The following CAMK2B variants were observed in gnomAD, a reference collection of about 807,000 sequenced individuals.
CAMK2B encodes the protein calcium/calmodulin dependent protein kinase II beta, also known as calcium/calmodulin-dependent protein kinase type II subunit beta.
In CAMK2B, 27 loss-of-function variants were observed where a neutral mutation model predicts 93.7. The ratio of observed to expected loss-of-function variants is 0.29; its 90% CI spans 0.21 to 0.40. CAMK2B has a LOEUF of 0.40. Ranked by LOEUF, CAMK2B falls within the 10% of genes least tolerant of loss-of-function variation. CAMK2B has a pLI of 1.00. For missense variants in CAMK2B, 568 were observed against 895.8 expected (o/e 0.63, Z 4.67); for synonymous variants, 374 against 358.8 (o/e 1.04, Z -0.48).
intron 2 of CAMK2B, among the ~76,000 whole-genome samples, chr7:44,266,440 T>A (rs2096921985): frequency 6.6e-6 from 1 of 152,212 alleles, no homozygotes; most frequent in African/African-American, 2.4e-5. Flanking sequence ...ATCCAGTGCA[T>A]AAGAAATGTG....
chr7:44,283,501 G>A (rs1000129323), intron 2 of CAMK2B, among the ~76,000 whole-genome samples: 3 of 152,204 alleles, frequency 2.0e-5, no homozygotes, highest in African/African-American at 7.2e-5. Flanking sequence ...GCCCTTCCTC[G>A]CACACACCCT....
At chr7:44,318,555 A>G (rs1795342518) in intron 1 of CAMK2B, among the ~76,000 whole-genome samples, 1 of 152,174 alleles carries the variant, frequency 6.6e-6, no homozygotes, top group Non-Finnish European at 1.5e-5. Context: ...CTTGCTGGAA[A>G]CGGCACTCAC....
In CAMK2B at chr7:44,252,137, C is replaced by T. The variant is rs557593558; in HGVS notation, c.341+2405G>A. ...GTCAAGGCCGCGCCTGTGGATTGGGCGGAGGGGTTGGCGCTCTGGAGGGAA... is the reference window on the plus strand; with the variant it reads ...GTCAAGGCCGCGCCTGTGGATTGGGTGGAGGGGTTGGCGCTCTGGAGGGAA... On this transcript the variant is annotated intron_variant, in intron 5 of 23. Coordinates refer to ENST00000395749, the MANE Select transcript of CAMK2B (RefSeq NM_001220.5). Among the ~76,000 whole-genome samples, 34 of 152,098 alleles carry T rather than the reference C, an allele frequency of 2.2e-4. 1 individual carries two copies. The South Asian group carries it at 6.9e-3, about 31-fold the overall frequency.
intron 17 of CAMK2B, chr7:44,229,702 G>A (rs2096560233): frequency 1.5e-5 from 7 of 467,212 alleles, no homozygotes; most frequent in Admixed American, 1.2e-4. Flanking sequence ...GGCTGAAGGA[G>A]CCAACACGGG....
In CAMK2B at chr7:44,240,607, G is replaced by T; in HGVS notation, c.946+100C>A. On this transcript the variant is annotated intron_variant, in intron 12 of 23. Coordinates refer to ENST00000395749, the MANE Select transcript of CAMK2B (RefSeq NM_001220.5). ...GGCAGACGCCGAGGGCAGGCCTGCC[G>T]CAGAGGAGGAGTGGAGAGGCTGGTG... 7.4e-6 allele frequency: 10 copies of T among 1,355,834 alleles called. 1 individual carries two copies. In the South Asian group the frequency reaches 1.1e-4, roughly 15 times the overall value. 84.0% of individuals were successfully genotyped at this position (1,355,834 alleles called of 1,614,324 possible). A position where few individuals can be genotyped will look rare whatever the true frequency, so the allele number is the denominator to read the frequency against.
chr7:44,312,563 G>A lies in CAMK2B; in HGVS notation c.65+12794C>T, dbSNP rs1475295221. On this transcript the variant is annotated intron_variant, in intron 1 of 23. Coordinates refer to ENST00000395749, the MANE Select transcript of CAMK2B (RefSeq NM_001220.5). This position sits in a 1 kb window ranked among gnomAD's most constrained non-coding sequence, Gnocchi z 4.1. The stretch of plus-strand genomic sequence containing the variant: ...GGGAGGGGCTGCCCCATAAAGTGAG[G>A]GGGGTGCCCAGTGGCCATCGTCACC... 6.6e-6 allele frequency among the ~76,000 whole-genome samples: 1 copy of A among 152,120 alleles called. No homozygotes were observed. Among genetic ancestry groups the A allele is most frequent in the African/African-American group, 2.4e-5 (1 of 41,414 alleles).
At chr7:44,302,882 G>T (rs981949964) in intron 1 of CAMK2B, among the ~76,000 whole-genome samples, 1 of 152,046 alleles carries the variant, frequency 6.6e-6, no homozygotes, top group Non-Finnish European at 1.5e-5. Context: ...ACTGCTATTC[G>T]ACATCTTACT....
Position 44,243,233 on chromosome 7 carries a change from C to A in CAMK2B, c.601+17G>T. On this transcript the variant is annotated intron_variant, in intron 8 of 23. Transcript: ENST00000395749. Reference sequence around the variant, plus strand: ...CACCCGAGGCCCTGCCCCGCACCAACTCAGGCCAGGCCTCACCACATGCCC... The same window carrying A: ...CACCCGAGGCCCTGCCCCGCACCAAATCAGGCCAGGCCTCACCACATGCCC... 1 of 1,605,718 alleles carries A rather than the reference C, an allele frequency of 6.2e-7. No homozygotes were observed. Among genetic ancestry groups the A allele is most frequent in the Non-Finnish European group, 8.5e-7 (1 of 1,172,672 alleles).
At chr7:44,231,860 A>C (rs2096582432) in intron 16 of CAMK2B, among the ~76,000 whole-genome samples, 1 of 152,160 alleles carries the variant, frequency 6.6e-6, no homozygotes. Context: ...GAAACATCTT[A>C]CAAGGTCCCT....
At chr7:44,256,461 G>C (rs370303015) in intron 4 of CAMK2B, among the ~76,000 whole-genome samples, 1 of 152,372 alleles carries the variant, frequency 6.6e-6, no homozygotes. Context: ...CTGTGTGCCT[G>C]TGTGTGCCCT....
intron 1 of CAMK2B, 64 bp downstream of exon 1, chr7:44,325,293 A>T (rs900886485): frequency 6.9e-5 from 64 of 927,876 alleles, no homozygotes; most frequent in Non-Finnish European, 7.9e-5. Context: ...GGCGGCGCGG[A>T]GGGTCCCGGA....
chr7:44,230,354 C>G (rs1249557992), intron 17 of CAMK2B: 1 of 152,388 alleles, frequency 6.6e-6, no homozygotes, highest in Non-Finnish European at 1.5e-5. Context: ...CCAGGGTAGC[C>G]CTGAGAACAG....
chr7:44,316,250 T>A (rs574227855), intron 1 of CAMK2B, among the ~76,000 whole-genome samples: 23 of 152,346 alleles, frequency 1.5e-4, no homozygotes, highest in Middle Eastern at 3.4e-3. Context: ...GGTTTTTTTT[T>A]AAATGCTTTT....
intron 1 of CAMK2B, among the ~76,000 whole-genome samples, chr7:44,305,264 A>T (rs1424641583): frequency 6.6e-6 from 1 of 152,222 alleles, no homozygotes; most frequent in Non-Finnish European, 1.5e-5. Flanking sequence ...AGGAAGGGAC[A>T]GGCACTGAAT....
chr7:44,296,770 T>A (rs2129161858), intron 1 of CAMK2B, among the ~76,000 whole-genome samples: 1 of 152,286 alleles, frequency 6.6e-6, no homozygotes, highest in Admixed American at 6.5e-5. Context: ...GAGTAAAATA[T>A]CTAAAGTGTT....
chr7:44,318,209 CTGAA>C (rs1335952154), intron 1 of CAMK2B, among the ~76,000 whole-genome samples: 1 of 152,228 alleles, frequency 6.6e-6, no homozygotes, highest in African/African-American at 2.4e-5. Flanking sequence ...AAGAAATTAG[CTGAA>C]AGCTGCAAGC....
chr7:44,246,003 G>A (rs913380078), intron 6 of CAMK2B, among the ~76,000 whole-genome samples: 1 of 152,028 alleles, frequency 6.6e-6, no homozygotes, highest in Non-Finnish European at 1.5e-5. Flanking sequence ...AGAGAGGAAG[G>A]AGCAGAGAGA....
At chr7:44,260,851 G>A (rs1202846630) in intron 3 of CAMK2B, among the ~76,000 whole-genome samples, 10 of 152,074 alleles carry the variant, frequency 6.6e-5, no homozygotes, top group Admixed American at 5.9e-4. Flanking sequence ...CCCCCACCAA[G>A]CCCCATTCTC....
At position 44,310,115 on chromosome 7, in the gene CAMK2B, C is replaced by T. The variant is rs1020160360; in HGVS notation, c.65+15242G>A. ...TTGGGAGTTAGGATACGCTTTGTGC[C>T]CGCTTGCTGCTTTTTTCCTGCAAGC... On this transcript the variant is annotated intron_variant, in intron 1 of 23. Transcript: ENST00000395749. Among the ~76,000 whole-genome samples the T allele has an allele frequency of 5.3e-5, 8 of 152,378 alleles. No homozygotes were observed. In the South Asian group the frequency reaches 1.0e-3, roughly 20 times the overall value.
Sources: allele counts gnomAD v4.1 joint callset (sites outside exome capture counted in the v4.1 genomes callset), GRCh38; gene constraint gnomAD v4.1.1; non-coding constraint Gnocchi (gnomAD v3.1); transcripts MANE v1.5; gene names NCBI Gene and HGNC (gene_info 2026-07-23, HGNC 2026-07-21).